The following DMD variants were observed in gnomAD, a reference collection of about 807,000 sequenced individuals.
DMD encodes the protein mutant dystrophin.
DMD carries 63 observed loss-of-function variants against 330.1 expected under a neutral mutation model. The ratio of observed to expected loss-of-function variants is 0.19; its 90% confidence interval spans 0.16 to 0.24. The LOEUF (loss-of-function observed/expected upper bound fraction) is 0.24. Among genes scored for constraint, DMD ranks in the 10% least tolerant of loss-of-function variants. The pLI, the probability that DMD is intolerant of heterozygous loss-of-function variation, is 1.00. For missense variants in DMD, 3,344 were observed against 2,684.1 expected (o/e 1.25, Z -5.43); for synonymous variants, 1,223 against 959.8 (o/e 1.27, Z -5.07).
At chrX:31,821,821 A>G (rs2092766983) in intron 49 of DMD, among the ~76,000 whole-genome samples, 1 of 112,151 alleles carries the variant, frequency 8.9e-6, no homozygotes, top group Non-Finnish European at 1.9e-5. Flanking sequence ...GGTTTGGTTA[A>G]AATAAATACA....
intron 54 of DMD, among the ~76,000 whole-genome samples, chrX:31,636,978 T>C (rs957883919): frequency 4.5e-5 from 5 of 112,096 alleles, no homozygotes; most frequent in African/African-American, 1.3e-4. Context: ...TAAATGTTGG[T>C]TAATGATACA....
At chrX:32,935,226 T>C (rs1276317035) in intron 2 of DMD, among the ~76,000 whole-genome samples, 4 of 112,602 alleles carry the variant, frequency 3.6e-5, no homozygotes, top group South Asian at 3.7e-4. Context: ...GATCCGCCCA[T>C]CTCGGCCTCC....
At chrX:31,934,693 T>C (rs988807760) in intron 45 of DMD, among the ~76,000 whole-genome samples, 14 of 111,249 alleles carry the variant, frequency 1.3e-4, no homozygotes, top group Admixed American at 1.9e-4. Flanking sequence ...GCTGAGAGTA[T>C]ATTTTGTTGT....
chrX:33,031,313 A>AC (rs2094108514), intron 1 of DMD, among the ~76,000 whole-genome samples: 2 of 111,147 alleles, frequency 1.8e-5, no homozygotes, highest in South Asian at 7.6e-4. Context: ...AAAAAAAAAA[A>AC]AAAACAATGG....
rs72470542 is a variant in DMD at position 33,211,425 on chromosome X, T to TA, written c.-114dup. ...AGAAACCAACAAACTTCAGCAGCTT[T>TA]AAAAAAAGTAACACTTCAGTTTTTC... On this transcript the variant is annotated 5_prime_UTR_variant, in exon 1 of 79. Transcript: ENST00000357033. 6.2e-3 allele frequency: 7,208 copies of TA among 1,154,540 alleles called. 330 individuals carry two copies. The African/African-American group carries it at 0.12, about 19-fold the overall frequency.
intron 16 of DMD, among the ~76,000 whole-genome samples, chrX:32,547,621 A>C (rs180919704): frequency 9.0e-6 from 1 of 111,474 alleles, no homozygotes; most frequent in Admixed American, 9.6e-5. Flanking sequence ...CAGAATAAAA[A>C]ACAATCAGTC....
At chrX:33,050,197 A>G (rs2094440154) in intron 1 of DMD, among the ~76,000 whole-genome samples, 1 of 111,877 alleles carries the variant, frequency 8.9e-6, no homozygotes, top group African/African-American at 3.2e-5. Context: ...TTTGATCAAA[A>G]TGTTTGCTCT....
At chrX:31,465,342 C>T (rs1233780963) in intron 59 of DMD, among the ~76,000 whole-genome samples, 1 of 110,780 alleles carries the variant, frequency 9.0e-6, no homozygotes, top group East Asian at 2.8e-4. Context: ...TCTCTTACTG[C>T]TATCCCTCCC....
chrX:33,175,242 C>T lies in DMD; in HGVS notation c.31+36040G>A, dbSNP rs188349442. 3.6e-4 allele frequency among the ~76,000 whole-genome samples: 41 copies of T among 112,463 alleles called. 1 individual carries two copies. The highest frequency in any genetic ancestry group is 1.3e-3 in the African/African-American group (41 of 31,011). The stretch of plus-strand genomic sequence containing the variant: ...TGAAAGTTGTGAGAGCTTGACACTG[C>T]ATGCAGGAGTAACTTAAGAACAATC... On this transcript the variant is annotated intron_variant, in intron 1 of 78. Transcript: ENST00000357033.
intron 60 of DMD, among the ~76,000 whole-genome samples, chrX:31,432,518 A>G (rs2064162931): frequency 1.8e-5 from 2 of 112,741 alleles, no homozygotes; most frequent in Admixed American, 1.9e-4. Flanking sequence ...GCAGTTTCAC[A>G]GACCTTATCT....
intron 11 of DMD, among the ~76,000 whole-genome samples, chrX:32,635,654 TTTG>T (rs1326082435): frequency 1.8e-5 from 2 of 111,930 alleles, no homozygotes; most frequent in African/African-American, 3.3e-5. Flanking sequence ...CACATAGTTT[TTTG>T]TTGTTGTTGC....
At chrX:32,416,247 A>G (rs1271305221) in intron 29 of DMD, among the ~76,000 whole-genome samples, 1 of 112,554 alleles carries the variant, frequency 8.9e-6, no homozygotes, top group Non-Finnish European at 1.9e-5. Context: ...CCTATACTAT[A>G]CTTATTAAAC....
intron 44 of DMD, among the ~76,000 whole-genome samples, chrX:32,053,777 G>A (rs753728796): frequency 1.8e-5 from 2 of 111,295 alleles, no homozygotes; most frequent in South Asian, 3.7e-4. Flanking sequence ...ACACACATAC[G>A]CACAAATAAT....
At chrX:33,051,731 C>G (rs940847716) in intron 1 of DMD, among the ~76,000 whole-genome samples, 1 of 102,867 alleles carries the variant, frequency 9.7e-6, no homozygotes, top group Non-Finnish European at 1.9e-5. Context: ...TCACTGCAAC[C>G]TCCGCTTCCT....
At chrX:31,504,879 T>C (rs1200378101) in intron 56 of DMD, among the ~76,000 whole-genome samples, 3 of 112,300 alleles carry the variant, frequency 2.7e-5, no homozygotes, top group African/African-American at 9.7e-5. Flanking sequence ...TCTGAATATT[T>C]AAATTCTAGA....
At position 32,979,478 on chromosome X, in the gene DMD, T is replaced by C. The variant is rs552511172; in HGVS notation, c.93+40661A>G. 7.2e-5 allele frequency among the ~76,000 whole-genome samples: 8 copies of C among 111,584 alleles called. No homozygotes were observed. The South Asian group carries it at 3.0e-3, about 42-fold the overall frequency. On this transcript the variant is annotated intron_variant, in intron 2 of 78. Transcript: ENST00000357033. ...ATAACTTTTTCCCTTTTGTCCAAAA[T>C]TCCATTGGAATGACGGAAGGTATTC...
intron 4 of DMD, among the ~76,000 whole-genome samples, chrX:32,838,102 A>G (rs1053958856): frequency 9.0e-6 from 1 of 111,640 alleles, no homozygotes; most frequent in Non-Finnish European, 1.9e-5. Context: ...AATGGCTCTA[A>G]AAATATATTT....
chrX:31,916,259 T>C (rs2094607705), intron 47 of DMD, among the ~76,000 whole-genome samples: 1 of 112,054 alleles, frequency 8.9e-6, no homozygotes, highest in South Asian at 3.7e-4. Flanking sequence ...ACAGACTGTG[T>C]GCAATTATAA....
chrX:32,771,145 G>A (rs1216752838), intron 7 of DMD, among the ~76,000 whole-genome samples: 1 of 112,013 alleles, frequency 8.9e-6, no homozygotes, highest in Non-Finnish European at 1.9e-5. Context: ...TATTAATTTT[G>A]ATTACAAAGT....
Sources: allele counts gnomAD v4.1 joint callset (sites outside exome capture counted in the v4.1 genomes callset), GRCh38; gene constraint gnomAD v4.1.1; transcripts MANE v1.5; gene names NCBI Gene and HGNC (gene_info 2026-07-23, HGNC 2026-07-21).